Variants in GLB1 observed in about 807,000 individuals in gnomAD.
The protein encoded by GLB1 is galactosidase beta 1.
GLB1 carries 56 observed loss-of-function variants against 74.0 expected under a neutral mutation model. The observed-to-expected ratio is 0.76, with a 90% CI of 0.61 to 0.94. The LOEUF (loss-of-function observed/expected upper bound fraction) is 0.94. Ranked by LOEUF, GLB1 falls within the 40% of genes least tolerant of loss-of-function variation. GLB1 has a pLI of 0.00. For synonymous variants in GLB1, 323 were observed against 323.6 expected, an observed-to-expected ratio of 1.00 and a Z score of 0.02; for missense variants, 787 against 845.5, an observed-to-expected ratio of 0.93 and a Z score of 0.86.
the GLB1 span, among the ~76,000 whole-genome samples, chr3:32,965,513 G>A: frequency 6.6e-6 from 1 of 152,078 alleles, no homozygotes; most frequent in Non-Finnish European, 1.5e-5. Context: ...GAGCAGCAAA[G>A]TGTTCAAGAG....
Position 33,031,719 on chromosome 3 carries a change from A to G in GLB1, c.1069-7394T>C, listed in dbSNP as rs146870169. 2.0e-5 allele frequency among the ~76,000 whole-genome samples: 3 copies of G among 146,524 alleles called. No homozygotes were observed. In the East Asian group the frequency reaches 5.9e-4, roughly 29 times the overall value. On this transcript the variant is annotated intron_variant, in intron 10 of 15. Transcript: ENST00000307363. Reference sequence around the variant, plus strand: ...AGTTAATTTCTCTTTCAAACCAGAAATATCAAAAAAAGAGGGAAAATATGA... The same window carrying G: ...AGTTAATTTCTCTTTCAAACCAGAAGTATCAAAAAAAGAGGGAAAATATGA...
At position 33,090,386 on chromosome 3, in the gene GLB1, A is replaced by C. The variant is rs890743510; in HGVS notation, c.75+6625T>G. On this transcript the variant is annotated intron_variant, in intron 1 of 15. Coordinates refer to ENST00000307363, the MANE Select transcript of GLB1 (RefSeq NM_000404.4). The stretch of plus-strand genomic sequence containing the variant: ...TGTACGAAAAGTTTAAAACAAACCA[A>C]ACAAAACACGAGGGGAAGAAAAGCA... 9.1e-6 allele frequency: 9 copies of C among 985,240 alleles called. No individual in the cohort carries two copies. In the African/African-American group the frequency reaches 1.6e-4, roughly 17 times the overall value. 61.0% of individuals were successfully genotyped at this position (985,240 alleles called of 1,614,324 possible). A position where few individuals can be genotyped will look rare whatever the true frequency, so the allele number is the denominator to read the frequency against.
intron 5 of GLB1, among the ~76,000 whole-genome samples, chr3:33,059,722 T>C (rs1229286262): frequency 6.6e-6 from 1 of 152,238 alleles, no homozygotes; most frequent in African/African-American, 2.4e-5. Context: ...TCTCCTGACC[T>C]TGGTTGGTGT....
At chr3:33,058,666 T>C (rs1296105597) in intron 5 of GLB1, among the ~76,000 whole-genome samples, 1 of 152,130 alleles carries the variant, frequency 6.6e-6, no homozygotes, top group Non-Finnish European at 1.5e-5. Context: ...CCAGAGATAA[T>C]CACTGCAAGC....
intron 1 of GLB1, chr3:33,077,461 G>T: frequency 2.6e-6 from 2 of 778,132 alleles, no homozygotes; most frequent in Non-Finnish European, 4.2e-6. Context: ...CAACCGATAT[G>T]TTCCAACAGC....
the GLB1 span, among the ~76,000 whole-genome samples, chr3:32,962,017 G>T: frequency 6.6e-6 from 1 of 152,140 alleles, no homozygotes; most frequent in Non-Finnish European, 1.5e-5. Flanking sequence ...CCAACATGGC[G>T]AAACCCCGTC....
chr3:32,994,709 T>C (rs373016780), downstream of GLB1, among the ~76,000 whole-genome samples: 153 of 151,656 alleles, frequency 1.0e-3, 1 homozygote, highest in South Asian at 0.031. Flanking sequence ...TAACCTGAGG[T>C]CAGGAGTTTG....
At chr3:33,024,184 G>T in intron 11 of GLB1, 67 bp downstream of exon 11, 1 of 1,517,054 alleles carries the variant, frequency 6.6e-7, no homozygotes, top group Non-Finnish European at 8.9e-7. Flanking sequence ...TTCACTCACT[G>T]CTACTAAATT....
At position 33,024,345 on chromosome 3, in the gene GLB1, A is replaced by G. The variant is rs748429866; in HGVS notation, c.1069-20T>C. 1.1e-5 allele frequency: 17 copies of G among 1,603,394 alleles called. No individual in the cohort carries two copies. The South Asian group carries it at 1.8e-4, about 17-fold the overall frequency. On this transcript the variant is annotated intron_variant, in intron 10 of 15. Coordinates refer to ENST00000307363, the MANE Select transcript of GLB1 (RefSeq NM_000404.4). ...TTCAAACTATAAACCAGAGTAGAAA[A>G]AGAGAGAAAAGAAAAAAAGTTGGTA...
chr3:33,083,784 AT>A (rs60066820), intron 1 of GLB1, among the ~76,000 whole-genome samples: 1 of 151,966 alleles, frequency 6.6e-6, no homozygotes, highest in Non-Finnish European at 1.5e-5. Context: ...GGCCAATGTA[AT>A]TTTTTAAAAA....
In GLB1 at chr3:33,068,490, C is replaced by A. The variant is rs765066587; in HGVS notation, c.397-200G>T. 4.6e-5 allele frequency among the ~76,000 whole-genome samples: 7 copies of A among 152,156 alleles called. No homozygotes were observed. Among genetic ancestry groups the A allele is most frequent in the Admixed American group, 1.3e-4 (2 of 15,268 alleles). On this transcript the variant is annotated intron_variant, in intron 3 of 15. Coordinates refer to ENST00000307363, the MANE Select transcript of GLB1 (RefSeq NM_000404.4). ...CAATTAAGATCACTCTGCATGAATG[C>A]AATGTTTTAAGGACCAAAGCCCTTT... is the stretch of plus-strand genomic sequence containing the variant.
the GLB1 span, among the ~76,000 whole-genome samples, chr3:32,977,809 GT>G: frequency 6.6e-6 from 1 of 152,118 alleles, no homozygotes; most frequent in Non-Finnish European, 1.5e-5. Flanking sequence ...CACTGACACC[GT>G]TCAGGGGAAA....
chr3:33,015,219 C>A (rs528207585), intron 14 of GLB1, among the ~76,000 whole-genome samples: 31 of 152,178 alleles, frequency 2.0e-4, no homozygotes, highest in Admixed American at 3.9e-4. Context: ...CATCCCACTG[C>A]GGATGGAGCA....
chr3:33,096,267 T>G, intron 1 of GLB1: 2 of 492,020 alleles, frequency 4.1e-6, no homozygotes, highest in Non-Finnish European at 5.3e-6. Flanking sequence ...CCTCAGCCAG[T>G]CGCCTCAGCT....
intron 10 of GLB1, among the ~76,000 whole-genome samples, chr3:33,039,220 G>A (rs1698404136): frequency 6.6e-6 from 1 of 150,688 alleles, no homozygotes; most frequent in African/African-American, 2.5e-5. Flanking sequence ...AACCCAGGAG[G>A]TGGAGGTTGC....
chr3:33,077,031 C>T, intron 1 of GLB1: 1 of 1,276,160 alleles, frequency 7.8e-7, no homozygotes, highest in Non-Finnish European at 1.0e-6. Flanking sequence ...CAAGACCAGT[C>T]TGGGGAACAT....
At chr3:33,092,449 A>T in intron 1 of GLB1, 1 of 1,009,936 alleles carries the variant, frequency 9.9e-7, no homozygotes, top group African/African-American at 1.7e-5. Flanking sequence ...AAACACCAGG[A>T]GAAAAATGCT....
chr3:33,095,502 C>A (rs1021055565), intron 1 of GLB1, among the ~76,000 whole-genome samples: 10 of 152,172 alleles, frequency 6.6e-5, no homozygotes, highest in Non-Finnish European at 1.2e-4. Flanking sequence ...TGGTATCTTT[C>A]TTTAGCTGTG....
At chr3:33,060,202 G>A (rs1469257693) in intron 5 of GLB1, among the ~76,000 whole-genome samples, 1 of 152,140 alleles carries the variant, frequency 6.6e-6, no homozygotes, top group Non-Finnish European at 1.5e-5. Context: ...TCTCAGAGAG[G>A]ATCCCTCTGG....
Sources: gnomAD v4.1 joint callset for allele counts (sites outside exome capture counted in the v4.1 genomes callset) on GRCh38, gnomAD v4.1.1 for gene constraint, MANE v1.5 for transcripts, NCBI Gene and HGNC (gene_info 2026-07-23, HGNC 2026-07-21) for gene names.